Variants in ASTN1 observed in about 807,000 individuals in gnomAD.
ASTN1 encodes astrotactin 1, also known as astrotactin-1.
A neutral mutation model predicts 140.7 loss-of-function variants in ASTN1; 41 were observed. The ratio of observed to expected loss-of-function variants is 0.29; its 90% CI spans 0.23 to 0.38. ASTN1 has a LOEUF of 0.38. ASTN1 is among the 10% of genes least tolerant of loss of function. The pLI is 1.00. For synonymous variants in ASTN1, 640 were observed against 652.2 expected (o/e 0.98, Z 0.29); for missense variants, 1,479 against 1,678.8 (o/e 0.88, Z 2.08).
At chr1:176,972,011 T>C (rs1236973039) in intron 8 of ASTN1, among the ~76,000 whole-genome samples, 1 of 152,188 alleles carries the variant, frequency 6.6e-6, no homozygotes, top group East Asian at 1.9e-4. Flanking sequence ...TATAGCCTAC[T>C]AGACACCTAG....
intron 8 of ASTN1, among the ~76,000 whole-genome samples, chr1:176,968,824 A>G (rs1287922635): frequency 6.6e-6 from 1 of 152,114 alleles, no homozygotes; most frequent in Non-Finnish European, 1.5e-5. Flanking sequence ...GACCCAGACA[A>G]ACCACTGAGA....
intron 20 of ASTN1, among the ~76,000 whole-genome samples, chr1:176,879,576 C>A (rs1396029472): frequency 1.3e-5 from 2 of 152,156 alleles, no homozygotes; most frequent in Admixed American, 1.3e-4. Context: ...TCTCCCCCCG[C>A]CCCCAAGCTG....
At chr1:177,090,818 A>C (rs1679712105) in intron 1 of ASTN1, among the ~76,000 whole-genome samples, 1 of 151,964 alleles carries the variant, frequency 6.6e-6, no homozygotes, top group African/African-American at 2.4e-5. Flanking sequence ...GTCAACTCCC[A>C]AGGCTCCCAC....
chr1:176,859,765 C>T (rs996634081), downstream of ASTN1, among the ~76,000 whole-genome samples: 5 of 152,156 alleles, frequency 3.3e-5, no homozygotes, highest in Admixed American at 6.5e-5. Context: ...GCTTTGACAA[C>T]AAGAGCAAAA....
In ASTN1 at chr1:177,139,369, C is replaced by T. The variant is rs148533288; in HGVS notation, c.283+25025G>A. On this transcript the variant is annotated intron_variant, in intron 1 of 22. Coordinates refer to ENST00000361833, the MANE Select transcript of ASTN1 (RefSeq NM_004319.3). ...AAAGTACTTATTAAAGAGAGGGACT[C>T]ATTCTGGTCTTTGCAGAAAATCTAC... Among the ~76,000 whole-genome samples, 57 of 152,338 alleles carry T rather than the reference C, an allele frequency of 3.7e-4. 2 individuals are homozygous for T. The highest frequency in any genetic ancestry group is 3.4e-3 in the Middle Eastern group (1 of 294).
At chr1:176,943,162 G>A (rs917299281) in intron 14 of ASTN1, among the ~76,000 whole-genome samples, 3 of 151,956 alleles carry the variant, frequency 2.0e-5, no homozygotes, top group Non-Finnish European at 2.9e-5. Flanking sequence ...TCAGTCAGCC[G>A]CCTCTCATTA....
At chr1:176,892,920 A>G (rs1222050170) in intron 17 of ASTN1, among the ~76,000 whole-genome samples, 1 of 152,194 alleles carries the variant, frequency 6.6e-6, no homozygotes, top group East Asian at 1.9e-4. Flanking sequence ...AGCTAGGGCC[A>G]CTTGTCTTTG....
intron 8 of ASTN1, among the ~76,000 whole-genome samples, chr1:176,972,842 C>A (rs1558001883): frequency 6.6e-6 from 1 of 152,172 alleles, no homozygotes; most frequent in Non-Finnish European, 1.5e-5. Context: ...AGGAGCCAGA[C>A]TGAGTAGGTT....
intron 8 of ASTN1, among the ~76,000 whole-genome samples, chr1:176,988,468 A>C (rs1558012830): frequency 6.6e-6 from 1 of 152,202 alleles, no homozygotes. Flanking sequence ...TCTTATCCCT[A>C]GTTATAGTAA....
At chr1:177,003,010 A>C (rs1674810999) in intron 8 of ASTN1, among the ~76,000 whole-genome samples, 1 of 152,244 alleles carries the variant, frequency 6.6e-6, no homozygotes, top group Admixed American at 6.5e-5. Flanking sequence ...AAACAAAAAA[A>C]GCCCAGGGGC....
intron 2 of ASTN1, among the ~76,000 whole-genome samples, chr1:177,056,059 C>T (rs1677786932): frequency 6.6e-6 from 1 of 152,098 alleles, no homozygotes; most frequent in Non-Finnish European, 1.5e-5. Context: ...AACTCACATG[C>T]GATGCTCAGG....
intron 1 of ASTN1, among the ~76,000 whole-genome samples, chr1:177,121,342 GGAAC>G (rs1681374622): frequency 6.6e-6 from 1 of 152,076 alleles, no homozygotes. Flanking sequence ...GCAGCAAAAT[GGAAC>G]GAGGGGCCCT....
chr1:176,962,537 A>G (rs1446099242), intron 9 of ASTN1, among the ~76,000 whole-genome samples: 1 of 152,220 alleles, frequency 6.6e-6, no homozygotes, highest in African/African-American at 2.4e-5. Context: ...TTCATTGGGG[A>G]AAAATAGGCA....
At chr1:176,876,478 C>G in intron 21 of ASTN1, 59 bp downstream of exon 21, 1 of 1,560,014 alleles carries the variant, frequency 6.4e-7, no homozygotes, top group Middle Eastern at 1.7e-4. Context: ...GTCCTCATAG[C>G]AAGTGGTGGG....
intron 1 of ASTN1, among the ~76,000 whole-genome samples, chr1:177,161,517 T>C (rs568906091): frequency 6.6e-6 from 1 of 152,202 alleles, no homozygotes; most frequent in South Asian, 2.1e-4. Context: ...TTGTGCATGG[T>C]TTAGAAGGAA....
chr1:177,031,685 A>G (rs1156358134), intron 3 of ASTN1, among the ~76,000 whole-genome samples: 2 of 152,236 alleles, frequency 1.3e-5, no homozygotes, highest in Non-Finnish European at 2.9e-5. Flanking sequence ...AACATTCAGC[A>G]TCAAACATGT....
Position 177,061,403 on chromosome 1 carries a change from A to C in ASTN1, c.284-138T>G. The stretch of plus-strand genomic sequence containing the variant: ...TTCCAACAATGTATAGTTAGGTCAG[A>C]TTTTACTGCTACTCCAAACCACAAG... On this transcript the variant is annotated intron_variant, in intron 1 of 22. Transcript: ENST00000361833. 5.7e-6 allele frequency: 4 copies of C among 701,702 alleles called. No homozygotes were observed. The South Asian group carries it at 1.5e-4, about 26-fold the overall frequency. 43.5% of individuals were successfully genotyped at this position (701,702 alleles called of 1,614,324 possible). A position where few individuals can be genotyped will look rare whatever the true frequency, so the allele number is the denominator to read the frequency against.
chr1:176,858,759 ACTCT>A (rs144506064), downstream of ASTN1, among the ~76,000 whole-genome samples: 1,104 of 152,096 alleles, frequency 7.3e-3, 6 homozygotes, highest in Non-Finnish European at 0.012. Flanking sequence ...GGCCAACCAC[ACTCT>A]CTCTTATTGT....
chr1:176,953,180 A>G (rs1672264997), intron 11 of ASTN1, among the ~76,000 whole-genome samples: 1 of 152,154 alleles, frequency 6.6e-6, no homozygotes, highest in South Asian at 2.1e-4. Flanking sequence ...TTAGTTGATT[A>G]ATTACTTAGG....
Sources: allele counts gnomAD v4.1 joint callset (sites outside exome capture counted in the v4.1 genomes callset), GRCh38; gene constraint gnomAD v4.1.1; transcripts MANE v1.5; gene names NCBI Gene and HGNC (gene_info 2026-07-23, HGNC 2026-07-21).